SLC30A8: variants seen among roughly 807,000 people sequenced by gnomAD.
SLC30A8 encodes the protein proton-coupled zinc antiporter SLC30A8.
SLC30A8 carries 27 observed loss-of-function variants against 36.9 expected under a neutral mutation model. The observed-to-expected ratio is 0.73, with a 90% CI of 0.54 to 1.01. The LOEUF is 1.01. Among genes scored for constraint, SLC30A8 ranks in the 50% least tolerant of loss-of-function variants. The probability of loss-of-function intolerance (pLI) is 0.00; values close to 1 mark genes in which losing one functional copy is unlikely to be tolerated. For missense variants in SLC30A8, 439 were observed against 452.0 expected, an observed-to-expected ratio of 0.97 and a Z score of 0.26; for synonymous variants, 164 against 172.4, an observed-to-expected ratio of 0.95 and a Z score of 0.38.
At chr8:116,959,797 A>C (rs1286340831) in intron 1 of SLC30A8, among the ~76,000 whole-genome samples, 3 of 152,172 alleles carry the variant, frequency 2.0e-5, no homozygotes, top group Non-Finnish European at 4.4e-5. Flanking sequence ...CTGTGTGAAG[A>C]CTGGGTTTCC....
intron 1 of SLC30A8, among the ~76,000 whole-genome samples, chr8:116,970,207 C>T (rs956519495): frequency 6.6e-6 from 1 of 152,050 alleles, no homozygotes; most frequent in East Asian, 1.9e-4. Context: ...TACATTAGCT[C>T]AGGGTCACGA....
rs1816762664 is a variant in SLC30A8, at chr8:117,023,240, T to C, written c.-265-15979T>C. On this transcript the variant is annotated intron_variant, in intron 1 of 10. Transcript: ENST00000427715. Reference sequence around the variant, plus strand: ...GAAACAACAGGTGCTGGAGAGGATGTGGAGAAAGAGGAACACTTTTACACT... The same window carrying C: ...GAAACAACAGGTGCTGGAGAGGATGCGGAGAAAGAGGAACACTTTTACACT... 3.9e-5 allele frequency among the ~76,000 whole-genome samples: 6 copies of C among 152,262 alleles called. No individual in the cohort carries two copies. In the South Asian group the frequency reaches 1.2e-3, roughly 32 times the overall value.
chr8:117,136,866 T>G (rs1821387796), intron 1 of SLC30A8, among the ~76,000 whole-genome samples: 1 of 152,044 alleles, frequency 6.6e-6, no homozygotes, highest in African/African-American at 2.4e-5. Flanking sequence ...AGGTATGGTT[T>G]TCAGGACACA....
At chr8:117,170,997 T>A in intron 6 of SLC30A8, 37 bp from the exon 7 acceptor site, 1 of 1,535,664 alleles carries the variant, frequency 6.5e-7, no homozygotes, top group South Asian at 1.3e-5. Context: ...TGTATCTAGT[T>A]GAATAACTAC....
At position 117,053,158 on chromosome 8, in the gene SLC30A8, C is replaced by T. The variant is rs182460992; in HGVS notation, c.-226+13900C>T. 3.1e-3 allele frequency among the ~76,000 whole-genome samples: 468 copies of T among 152,166 alleles called. 7 individuals are homozygous for T. Among genetic ancestry groups the T allele is most frequent in the Admixed American group, 0.026 (393 of 15,296 alleles). On this transcript the variant is annotated intron_variant, in intron 2 of 10. Transcript: ENST00000427715. ...TCGATCTCCTGGCCTCGTGATCTGCCGGCCTCGTGATCTGCCCGCTTCGGC... is the reference window on the plus strand; with the variant it reads ...TCGATCTCCTGGCCTCGTGATCTGCTGGCCTCGTGATCTGCCCGCTTCGGC...
At chr8:116,963,514 A>G (rs1814500804) in intron 1 of SLC30A8, among the ~76,000 whole-genome samples, 1 of 152,250 alleles carries the variant, frequency 6.6e-6, no homozygotes, top group South Asian at 2.1e-4. Context: ...ATATAAATGG[A>G]ACAATACAAT....
In SLC30A8 at chr8:117,157,758, A is replaced by C. The variant is rs756406161; in HGVS notation, c.486A>C (p.Ala162=). 1 of 1,614,100 alleles carries C rather than the reference A, an allele frequency of 6.2e-7. No individual in the cohort carries two copies. The highest frequency in any genetic ancestry group is 1.1e-5 in the South Asian group (1 of 91,086). Residue 162 remains alanine, a synonymous_variant, in exon 4 of 8, where the codon GCA becomes GCC. Transcript: ENST00000456015. ...WVVTGVLVYL[A]CERLLYPDYQ... is the part of the protein sequence containing the mutation. ...TGACTGGCGTGCTAGTGTACCTGGCATGTGAGCGCCTGCTGTATCCTGATT... is the reference window on the plus strand; with the variant it reads ...TGACTGGCGTGCTAGTGTACCTGGCCTGTGAGCGCCTGCTGTATCCTGATT...
intron 2 of SLC30A8, among the ~76,000 whole-genome samples, chr8:117,068,690 C>A (rs1446344714): frequency 6.6e-6 from 1 of 152,130 alleles, no homozygotes; most frequent in East Asian, 1.9e-4. Flanking sequence ...GATTCTCCTG[C>A]CTCAGCTGCC....
intron 2 of SLC30A8, among the ~76,000 whole-genome samples, chr8:117,127,031 G>T (rs1820935117): frequency 6.6e-6 from 1 of 152,034 alleles, no homozygotes; most frequent in African/African-American, 2.4e-5. Flanking sequence ...AAAGTAGCCA[G>T]TTCAGTGGAA....
intron 3 of SLC30A8, among the ~76,000 whole-genome samples, chr8:117,156,686 G>A (rs1822503511): frequency 6.6e-6 from 1 of 152,116 alleles, no homozygotes; most frequent in Non-Finnish European, 1.5e-5. Context: ...GTAATTTCAT[G>A]GATAACATTG....
At chr8:117,014,277 T>C (rs1397127399) in intron 1 of SLC30A8, among the ~76,000 whole-genome samples, 2 of 121,410 alleles carry the variant, frequency 1.6e-5, no homozygotes, top group Non-Finnish European at 3.4e-5. Context: ...AGCCTTTGGC[T>C]GCTGAACAGT....
At chr8:117,084,262 C>G (rs1288226873) in intron 2 of SLC30A8, among the ~76,000 whole-genome samples, 1 of 152,132 alleles carries the variant, frequency 6.6e-6, no homozygotes, top group Non-Finnish European at 1.5e-5. Flanking sequence ...CTTGTGGAGT[C>G]TGCCAGTCAG....
intron 1 of SLC30A8, among the ~76,000 whole-genome samples, chr8:116,965,018 C>A (rs1814550380): frequency 6.6e-6 from 1 of 152,170 alleles, no homozygotes; most frequent in Admixed American, 6.5e-5. Context: ...CTCACTGCAA[C>A]CTCTGCCTCC....
chr8:116,974,232 C>T (rs1319099238), intron 1 of SLC30A8, among the ~76,000 whole-genome samples: 37 of 152,138 alleles, frequency 2.4e-4, no homozygotes, highest in African/African-American at 8.4e-4. Flanking sequence ...CAAAAGAAAC[C>T]ACCATCAGAG....
chr8:117,063,631 G>A (rs946985272), intron 2 of SLC30A8, among the ~76,000 whole-genome samples: 7 of 152,152 alleles, frequency 4.6e-5, no homozygotes, highest in South Asian at 4.1e-4. Context: ...CCTGGCAACC[G>A]TCAATATAGA....
At chr8:116,988,090 C>T (rs1352411187) in intron 1 of SLC30A8, among the ~76,000 whole-genome samples, 1 of 152,086 alleles carries the variant, frequency 6.6e-6, no homozygotes, top group Admixed American at 6.6e-5. Context: ...TGGCACTTTG[C>T]CTAGTTGGAG....
At chr8:117,006,836 G>T (rs372919364) in intron 1 of SLC30A8, among the ~76,000 whole-genome samples, 2 of 138,868 alleles carry the variant, frequency 1.4e-5, no homozygotes, top group South Asian at 4.6e-4. Flanking sequence ...AGGTTGGAGT[G>T]CAGTGGTGCC....
intron 1 of SLC30A8, among the ~76,000 whole-genome samples, chr8:116,965,024 C>T (rs761275110): frequency 1.2e-4 from 18 of 152,192 alleles, no homozygotes; most frequent in Non-Finnish European, 2.6e-4. Flanking sequence ...GCAACCTCTG[C>T]CTCCCAGGTT....
At chr8:117,071,572 A>G (rs184505904) in intron 2 of SLC30A8, among the ~76,000 whole-genome samples, 11 of 151,498 alleles carry the variant, frequency 7.3e-5, no homozygotes, top group Admixed American at 3.9e-4. Context: ...TTGTTTGTCT[A>G]TTTTTTCTTT....
Sources: gnomAD v4.1 joint callset for allele counts (sites outside exome capture counted in the v4.1 genomes callset) on GRCh38, gnomAD v4.1.1 for gene constraint, MANE v1.5 for transcripts, NCBI Gene and HGNC (gene_info 2026-07-23, HGNC 2026-07-21) for gene names.